The following EFHD1 variants were observed in gnomAD, a reference collection of about 807,000 sequenced individuals.
EFHD1 encodes EF-hand domain-containing protein D1.
A neutral mutation model predicts 17.2 loss-of-function variants in EFHD1; 10 were observed. The ratio of observed to expected loss-of-function variants is 0.58; its 90% CI spans 0.36 to 0.99. The LOEUF is 0.99. EFHD1 is among the 50% of genes least tolerant of loss of function. EFHD1 has a pLI of 0.01. For missense variants in EFHD1, 310 were observed against 327.5 expected, an observed-to-expected ratio of 0.95 and a Z score of 0.41; for synonymous variants, 153 against 142.0, an observed-to-expected ratio of 1.08 and a Z score of -0.55.
At chr2:232,643,524 G>A (rs1442487681) in intron 1 of EFHD1, among the ~76,000 whole-genome samples, 1 of 147,854 alleles carries the variant, frequency 6.8e-6, no homozygotes, top group Non-Finnish European at 1.5e-5. Flanking sequence ...CCTTCTGCCC[G>A]AGTCCCCGCA....
chr2:232,635,806 G>A (rs923868440), intron 1 of EFHD1, among the ~76,000 whole-genome samples: 1 of 151,178 alleles, frequency 6.6e-6, no homozygotes, highest in Non-Finnish European at 1.5e-5. Flanking sequence ...GTGACAGAGG[G>A]AGATTCTGTC....
intron 1 of EFHD1, among the ~76,000 whole-genome samples, chr2:232,650,336 C>A (rs1213454209): frequency 6.9e-6 from 1 of 145,104 alleles, no homozygotes. Flanking sequence ...TTCTCATTGT[C>A]CAGGCTGGAG....
intron 1 of EFHD1, chr2:232,638,514 C>T (rs927866197): frequency 4.3e-6 from 2 of 468,956 alleles, no homozygotes; most frequent in African/African-American, 2.0e-5. Context: ...CTTCATTTCT[C>T]GTCCCCTCTC....
chr2:232,648,893 T>C (rs1487066258), intron 1 of EFHD1, among the ~76,000 whole-genome samples: 1 of 152,110 alleles, frequency 6.6e-6, no homozygotes, highest in African/African-American at 2.4e-5. Context: ...TACTCTTGTG[T>C]CCTGGTGTCC....
upstream of EFHD1, among the ~76,000 whole-genome samples, chr2:232,631,695 AAAAAAAAAAAAC>A (rs1392827133): frequency 3.4e-5 from 5 of 146,752 alleles, no homozygotes; most frequent in East Asian, 1.0e-3. Context: ...GAACATTAAA[AAAAAAAAAAAAC>A]AAAAACAAAA....
chr2:232,627,306 A>G (rs994711951), intron 1 of EFHD1, among the ~76,000 whole-genome samples: 1 of 151,792 alleles, frequency 6.6e-6, no homozygotes, highest in African/African-American at 2.4e-5. Context: ...AAATATGTCA[A>G]CATAGCCAAT....
intron 1 of EFHD1, among the ~76,000 whole-genome samples, chr2:232,613,743 TACAC>T (rs1225381117): frequency 1.1e-4 from 15 of 132,056 alleles, no homozygotes; most frequent in East Asian, 4.7e-4. Flanking sequence ...CGCACACACA[TACAC>T]ACACAAATAC....
At chr2:232,621,189 A>G (rs994487655) in intron 1 of EFHD1, among the ~76,000 whole-genome samples, 1 of 152,182 alleles carries the variant, frequency 6.6e-6, no homozygotes, top group Non-Finnish European at 1.5e-5. Context: ...CTGTCTGCAT[A>G]GCAGGGATGT....
chr2:232,615,796 T>TC (rs1227179041), intron 1 of EFHD1, among the ~76,000 whole-genome samples: 4 of 149,582 alleles, frequency 2.7e-5, no homozygotes, highest in African/African-American at 9.8e-5. Context: ...CAAGTGATTC[T>TC]CCTGCCTCAG....
chr2:232,674,151 C>T (rs2106218272), intron 3 of EFHD1, among the ~76,000 whole-genome samples: 1 of 152,338 alleles, frequency 6.6e-6, no homozygotes, highest in South Asian at 2.1e-4. Flanking sequence ...TCGTGATCTG[C>T]CTGCCTCCAC....
At chr2:232,652,166 G>A (rs565262278) in intron 1 of EFHD1, among the ~76,000 whole-genome samples, 72 of 152,294 alleles carry the variant, frequency 4.7e-4, no homozygotes, top group African/African-American at 1.7e-3. Context: ...TCTGCAAGGC[G>A]GCAACATCAG....
At chr2:232,678,874 A>G (rs1260962314) in intron 3 of EFHD1, among the ~76,000 whole-genome samples, 2 of 152,222 alleles carry the variant, frequency 1.3e-5, no homozygotes, top group Non-Finnish European at 2.9e-5. Flanking sequence ...TGGGCTAGCA[A>G]TAAAAGGTGT....
intron 1 of EFHD1, among the ~76,000 whole-genome samples, chr2:232,620,210 A>C (rs1267698873): frequency 1.0e-4 from 15 of 150,636 alleles, no homozygotes; most frequent in African/African-American, 3.7e-4. Flanking sequence ...AACACAGTGA[A>C]ACCCCGTCTC....
intron 3 of EFHD1, among the ~76,000 whole-genome samples, chr2:232,678,795 C>T (rs372675504): frequency 1.3e-4 from 20 of 152,088 alleles, no homozygotes; most frequent in African/African-American, 4.6e-4. Flanking sequence ...AACAAACAAA[C>T]AAACAAAAAA....
Position 232,657,899 on chromosome 2 carries a change from C to CTTTTTTTTT in EFHD1, c.303-4892_303-4884dup, listed in dbSNP as rs1194396166. Among the ~76,000 whole-genome samples, 54 of 100,648 alleles carry CTTTTTTTTT rather than the reference C, an allele frequency of 5.4e-4. 1 individual carries two copies. The highest frequency in any genetic ancestry group is 7.3e-4 in the South Asian group (2 of 2,750). 66.0% of individuals were successfully genotyped at this position (100,648 alleles called of 152,430 possible). On this transcript the variant is annotated intron_variant, in intron 1 of 3. Transcript: ENST00000264059. ...AGGACCTTGCATTTTTCTTTCTTTT[C>CTTTTTTTTT]TTTTTTTTTTTTTTTTTTTGAGACT...
rs139160298 is a variant in EFHD1, at chr2:232,640,393, C to G, written c.302+6387C>G. Among the ~76,000 whole-genome samples the G allele has an allele frequency of 2.3e-3, 349 of 152,282 alleles. 1 individual carries two copies. The highest frequency in any genetic ancestry group is 6.8e-3 in the Middle Eastern group (2 of 292). ...CTTAGGTCTCCTCCAGTGTTCCCAG[C>G]TCTGGGCTTCTGTGGCCAGCACTGT... On this transcript the variant is annotated intron_variant, in intron 1 of 3. Coordinates refer to ENST00000264059, the MANE Select transcript of EFHD1 (RefSeq NM_025202.4).
intron 1 of EFHD1, among the ~76,000 whole-genome samples, chr2:232,657,215 C>G (rs1413392867): frequency 6.6e-6 from 1 of 152,236 alleles, no homozygotes; most frequent in Non-Finnish European, 1.5e-5. Flanking sequence ...CCATTCAACA[C>G]TAACTCCCCA....
intron 2 of EFHD1, 31 bp downstream of exon 2, chr2:232,662,980 TGGGGTGCCCCTGA>T: frequency 6.5e-7 from 1 of 1,537,642 alleles, no homozygotes; most frequent in Non-Finnish European, 8.7e-7. Flanking sequence ...TGAGCCCCTG[TGGGGTGCCCCTGA>T]GAGGACCTTC....
At position 232,653,132 on chromosome 2, in the gene EFHD1, T is replaced by TATAG. The variant is rs560941219; in HGVS notation, c.303-9669_303-9666dup. ...CCTCAGCCTCCTGAGTAGCTAGGAT[T>TATAG]ATAGCCACCCACCACCACGCCCGGC... On this transcript the variant is annotated intron_variant, in intron 1 of 3. Coordinates refer to ENST00000264059, the MANE Select transcript of EFHD1 (RefSeq NM_025202.4). Among the ~76,000 whole-genome samples the TATAG allele has an allele frequency of 3.1e-3, 477 of 152,200 alleles. 1 individual carries two copies. The highest frequency in any genetic ancestry group is 0.011 in the African/African-American group (436 of 41,514).
Sources: gnomAD v4.1 joint callset for allele counts (sites outside exome capture counted in the v4.1 genomes callset) on GRCh38, gnomAD v4.1.1 for gene constraint, MANE v1.5 for transcripts, NCBI Gene and HGNC (gene_info 2026-07-23, HGNC 2026-07-21) for gene names.